The following CFH variants were observed in gnomAD, a reference collection of about 807,000 sequenced individuals.
CFH encodes complement factor H.
A neutral mutation model predicts 147.3 loss-of-function variants in CFH; 53 were observed. That is an observed-to-expected ratio of 0.36 (90% CI 0.29 to 0.45). The LOEUF (loss-of-function observed/expected upper bound fraction) is 0.45, where lower values mean the gene tolerates loss of function less well. Among genes scored for constraint, CFH ranks in the 20% least tolerant of loss-of-function variants. The pLI, the probability that CFH is intolerant of heterozygous loss-of-function variation, is 1.00. For synonymous variants in CFH, 536 were observed against 489.4 expected, an observed-to-expected ratio of 1.10 and a Z score of -1.26; for missense variants, 1,380 against 1,498.0, an observed-to-expected ratio of 0.92 and a Z score of 1.30.
chr1:196,683,308 A>G (rs1667718209), intron 6 of CFH, among the ~76,000 whole-genome samples: 1 of 151,746 alleles, frequency 6.6e-6, no homozygotes. Context: ...GAAGTCCATA[A>G]TATGTACCAG....
chr1:196,726,833 A>C lies in CFH; in HGVS notation c.2129A>C (p.Tyr710Ser). 6.2e-7 allele frequency: 1 copy of C among 1,613,688 alleles called. No individual in the cohort carries two copies. The highest frequency in any genetic ancestry group is 8.5e-7 in the Non-Finnish European group (1 of 1,179,754). The change falls in exon 14 of 22, where the codon TAC becomes TCC. Residue 710 changes from tyrosine (Y) to serine (S), a missense_variant. Physicochemically the swap from Tyr to Ser is moderately radical, Grantham distance 144. This residue lies in a region of CFH where 830 missense variants were observed against 821.4 expected (regional missense o/e 1.01). Coordinates refer to ENST00000367429, the MANE Select transcript of CFH (RefSeq NM_000186.4). ...GCCCAGCTTTCTTCCCCTCCTTATTACTATGGAGATTCAGTGGAATTCAAT... is the reference window on the plus strand; with the variant it reads ...GCCCAGCTTTCTTCCCCTCCTTATTCCTATGGAGATTCAGTGGAATTCAAT... ...GWAQLSSPPY[Y>S]YGDSVEFNCS... is the part of the protein sequence containing the mutation.
At chr1:196,701,199 A>G in intron 9 of CFH, 2 of 1,374,014 alleles carry the variant, frequency 1.5e-6, no homozygotes, top group Non-Finnish European at 2.1e-6. Context: ...GGAAGAAATT[A>G]CTAACTCAGG....
At chr1:196,662,245 A>C (rs980253353) in intron 1 of CFH, among the ~76,000 whole-genome samples, 3 of 152,246 alleles carry the variant, frequency 2.0e-5, no homozygotes, top group Non-Finnish European at 4.4e-5. Context: ...ACTTATTAAG[A>C]AAACTGTCAC....
chr1:196,673,536 CA>C, intron 2 of CFH: 1 of 376,742 alleles, frequency 2.7e-6, no homozygotes. Context: ...GGGGTTTCAC[CA>C]ATGCTGGGCA....
At position 196,695,009 on chromosome 1, in the gene CFH, T is replaced by C. The variant is rs188965393; in HGVS notation, c.1336+4770T>C. On this transcript the variant is annotated intron_variant, in intron 9 of 21. Transcript: ENST00000367429. ...GCTGTGCAGAAGCTCTTTAGTTTAA[T>C]TAGATCCCATTTGTCAATTTTGGCC... Among the ~76,000 whole-genome samples, 648 of 152,340 alleles carry C rather than the reference T, an allele frequency of 4.3e-3. 7 individuals are homozygous for C. Among genetic ancestry groups the C allele is most frequent in the African/African-American group, 0.015 (609 of 41,568 alleles).
At chr1:196,671,627 G>C (rs1433848291) in intron 1 of CFH, among the ~76,000 whole-genome samples, 4 of 117,394 alleles carry the variant, frequency 3.4e-5, no homozygotes, top group African/African-American at 1.4e-4. Flanking sequence ...CACACACACA[G>C]AGTATATACA....
At chr1:196,696,168 C>A (rs1409075022) in intron 9 of CFH, among the ~76,000 whole-genome samples, 15 of 152,016 alleles carry the variant, frequency 9.9e-5, no homozygotes, top group Non-Finnish European at 2.2e-4. Context: ...TTCTTCTTGG[C>A]ACTACATAGC....
chr1:196,744,483 T>C lies in CFH; in HGVS notation c.3310+855T>C, dbSNP rs537291751. On this transcript the variant is annotated intron_variant, in intron 20 of 21. Coordinates refer to ENST00000367429, the MANE Select transcript of CFH (RefSeq NM_000186.4). ...TGTATTGTTTTCCATTCTATCTCTTTGTATAGCTTTTCTCCTCCTTTTAAA... is the reference window on the plus strand; with the variant it reads ...TGTATTGTTTTCCATTCTATCTCTTCGTATAGCTTTTCTCCTCCTTTTAAA... Among the ~76,000 whole-genome samples, 5 of 152,266 alleles carry C rather than the reference T, an allele frequency of 3.3e-5. No individual in the cohort carries two copies. In the South Asian group the frequency reaches 1.0e-3, roughly 32 times the overall value.
chr1:196,654,739 A>G (rs972063196), intron 1 of CFH, among the ~76,000 whole-genome samples: 4 of 152,172 alleles, frequency 2.6e-5, no homozygotes, highest in African/African-American at 4.8e-5. Flanking sequence ...TTTGGGAGAC[A>G]TGTTTTTTAA....
At position 196,726,865 on chromosome 1, in the gene CFH, G is replaced by A. The variant is rs774463487; in HGVS notation, c.2161G>A (p.Glu721Lys). The part of the protein sequence containing the change: ...YGDSVEFNCS[E>K]SFTMIGHRSI... ...AGATTCAGTGGAATTCAATTGCTCA[G>A]AATCATTTACAATGATTGGACACAG... Residue 721 changes from glutamate to lysine, a missense_variant, in exon 14 of 22, where the codon GAA becomes AAA. By Grantham distance (56) the Glu-to-Lys change is moderately conservative (BLOSUM62 1). Transcript: ENST00000367429. 9 of 1,613,636 alleles carry A rather than the reference G, an allele frequency of 5.6e-6. No homozygotes were observed. The highest frequency in any genetic ancestry group is 5.5e-5 in the South Asian group (5 of 91,074).
chr1:196,659,473 G>A (rs1291013664), intron 1 of CFH, among the ~76,000 whole-genome samples: 4 of 152,318 alleles, frequency 2.6e-5, no homozygotes, highest in African/African-American at 9.6e-5. Flanking sequence ...TGAAGTGGCA[G>A]TGTATAGCAG....
intron 1 of CFH, among the ~76,000 whole-genome samples, chr1:196,667,910 A>G (rs1047822005): frequency 2.6e-5 from 4 of 152,162 alleles, no homozygotes; most frequent in Non-Finnish European, 5.9e-5. Flanking sequence ...TTCTAAATTA[A>G]TATTTTTACC....
intron 6 of CFH, among the ~76,000 whole-genome samples, chr1:196,681,055 T>G (rs1667633518): frequency 6.6e-6 from 1 of 151,836 alleles, no homozygotes; most frequent in African/African-American, 2.4e-5. Context: ...GCAAAGGAAG[T>G]GCATGCACAA....
intron 1 of CFH, among the ~76,000 whole-genome samples, chr1:196,657,891 A>C (rs1438015422): frequency 6.6e-6 from 1 of 152,126 alleles, no homozygotes; most frequent in East Asian, 1.9e-4. Flanking sequence ...TTGATTAAGG[A>C]TTTCCCAAAT....
chr1:196,695,315 G>T (rs141014089), intron 9 of CFH, among the ~76,000 whole-genome samples: 5,195 of 152,244 alleles, frequency 0.034, 138 homozygotes, highest in Admixed American at 0.05. Flanking sequence ...TCAAATGGTT[G>T]TAGATGTGTG....
Position 196,705,140 on chromosome 1 carries a change from C to T in CFH, c.1337-8595C>T, listed in dbSNP as rs203687. Among the ~76,000 whole-genome samples the T allele has an allele frequency of 0.71, 107,479 of 152,066 alleles. 39,816 individuals are homozygous for T. The highest frequency in any genetic ancestry group is 0.95 in the East Asian group (4,901 of 5,170). Reference sequence around the variant, plus strand: ...ATGAGACTTTGCTTATATATGTTGACGGCATATTAGAAGCCAGCACAACTA... The same window carrying T: ...ATGAGACTTTGCTTATATATGTTGATGGCATATTAGAAGCCAGCACAACTA... On this transcript the variant is annotated intron_variant, in intron 9 of 21. Transcript: ENST00000367429.
intron 9 of CFH, chr1:196,692,281 G>A (rs767734382): frequency 1.1e-4 from 26 of 231,034 alleles, no homozygotes; most frequent in Non-Finnish European, 1.7e-4. Flanking sequence ...CCCTAATCAT[G>A]ACCTTTCACC....
chr1:196,692,494 T>C (rs144783486), intron 9 of CFH: 7 of 200,642 alleles, frequency 3.5e-5, no homozygotes, highest in African/African-American at 1.7e-4. Flanking sequence ...AATCAACTAC[T>C]TATTTTTTCT....
chr1:196,692,032 G>A (rs1450016826), intron 9 of CFH, among the ~76,000 whole-genome samples: 1 of 151,800 alleles, frequency 6.6e-6, no homozygotes, highest in Admixed American at 6.6e-5. Context: ...TGTACATTGT[G>A]TGTGTATACA....
Sources: gnomAD v4.1 joint callset for allele counts (sites outside exome capture counted in the v4.1 genomes callset) on GRCh38, gnomAD v4.1.1 for gene constraint, gnomAD v4.1.1 regional missense constraint, MANE v1.5 for transcripts, NCBI Gene and HGNC (gene_info 2026-07-23, HGNC 2026-07-21) for gene names.